PTPRM: variants seen among roughly 807,000 people sequenced by gnomAD.
PTPRM encodes the protein receptor-type tyrosine-protein phosphatase mu.
A neutral mutation model predicts 186.7 loss-of-function variants in PTPRM; 47 were observed. The observed-to-expected ratio is 0.25, with a 90% CI of 0.20 to 0.32. PTPRM has a LOEUF of 0.32. Ranked by LOEUF, PTPRM falls within the 10% of genes least tolerant of loss-of-function variation. PTPRM has a pLI of 1.00. For synonymous variants in PTPRM, 668 were observed against 674.9 expected (o/e 0.99, Z 0.16); for missense variants, 1,494 against 1,865.0 (o/e 0.80, Z 3.66).
intron 1 of PTPRM, among the ~76,000 whole-genome samples, chr18:7,667,539 A>G (rs1323665483): frequency 1.3e-5 from 2 of 152,264 alleles, no homozygotes; most frequent in African/African-American, 4.8e-5. Context: ...ATGGTTTTAC[A>G]TTTCTTAAAA....
At chr18:8,034,353 A>G (rs2086191125) in intron 7 of PTPRM, among the ~76,000 whole-genome samples, 1 of 151,988 alleles carries the variant, frequency 6.6e-6, no homozygotes, top group Non-Finnish European at 1.5e-5. Context: ...AATATCTTCA[A>G]CTCAAAAGTA....
intron 14 of PTPRM, among the ~76,000 whole-genome samples, chr18:8,175,241 C>T (rs2093463653): frequency 6.6e-6 from 1 of 152,124 alleles, no homozygotes; most frequent in East Asian, 1.9e-4. Flanking sequence ...GTTCTTATGC[C>T]ATAGTCAAGA....
rs184632692 is a variant in PTPRM, at chr18:7,841,706, C to T, written c.197-46400C>T. On this transcript the variant is annotated intron_variant, in intron 2 of 32. Transcript: ENST00000580170. ...CTCTGACATTAGCATAATCGTGAAA[C>T]TAGTCAGTTAACTAGAAAATGAAAT... 1.2e-3 allele frequency among the ~76,000 whole-genome samples: 183 copies of T among 152,262 alleles called. 1 individual carries two copies. The highest frequency in any genetic ancestry group is 0.01 in the Middle Eastern group (3 of 294).
At chr18:8,260,948 C>T (rs1223297900) in intron 19 of PTPRM, among the ~76,000 whole-genome samples, 4 of 152,198 alleles carry the variant, frequency 2.6e-5, no homozygotes, top group South Asian at 2.1e-4. Context: ...GCAGCCCCTT[C>T]GCTGGCTTTT....
intron 1 of PTPRM, among the ~76,000 whole-genome samples, chr18:7,707,915 A>T (rs1393778942): frequency 1.3e-5 from 2 of 152,108 alleles, no homozygotes; most frequent in African/African-American, 4.8e-5. Context: ...ACAATATTTC[A>T]TTTCTGTGTG....
chr18:8,252,593 C>G (rs1256801183), intron 18 of PTPRM, 94 bp downstream of exon 18: 3 of 1,176,882 alleles, frequency 2.5e-6, no homozygotes, highest in African/African-American at 3.0e-5. Flanking sequence ...TGGTGCTGCT[C>G]TGTGCTGGCC....
intron 14 of PTPRM, among the ~76,000 whole-genome samples, chr18:8,230,174 A>G (rs924823210): frequency 2.0e-5 from 3 of 152,218 alleles, no homozygotes; most frequent in African/African-American, 7.2e-5. Flanking sequence ...ACTCTACAAC[A>G]GAGGCCCAAC....
intron 13 of PTPRM, among the ~76,000 whole-genome samples, chr18:8,125,209 CAA>C (rs11315965): frequency 0.16 from 22,197 of 134,674 alleles, 1,741 homozygotes; most frequent in African/African-American, 0.19. Flanking sequence ...GACTCTGTCT[CAA>C]AAAAAAAAAA....
intron 14 of PTPRM, among the ~76,000 whole-genome samples, chr18:8,193,560 G>C (rs1045171123): frequency 4.6e-5 from 7 of 152,216 alleles, no homozygotes; most frequent in African/African-American, 1.7e-4. Context: ...GTAGCCTGTG[G>C]CCAGATGCCC....
intron 7 of PTPRM, among the ~76,000 whole-genome samples, chr18:7,960,450 C>CATATATATATATATATAT (rs71354579): frequency 9.1e-5 from 11 of 120,582 alleles, no homozygotes; most frequent in South Asian, 3.1e-4. Context: ...ATATAGGCAA[C>CATATATATATATATATAT]ATATATATAT....
At chr18:7,719,757 C>T (rs1355794790) in intron 1 of PTPRM, among the ~76,000 whole-genome samples, 1 of 152,024 alleles carries the variant, frequency 6.6e-6, no homozygotes, top group Non-Finnish European at 1.5e-5. Flanking sequence ...CCAATGAAAT[C>T]AAACAAGGAA....
intron 2 of PTPRM, among the ~76,000 whole-genome samples, chr18:7,775,192 C>G (rs1055712446): frequency 5.9e-5 from 9 of 152,350 alleles, no homozygotes; most frequent in Admixed American, 1.3e-4. Flanking sequence ...ATGATGCTCA[C>G]TGTGTTCCTG....
At chr18:8,148,302 A>G (rs981007022) in intron 14 of PTPRM, among the ~76,000 whole-genome samples, 1 of 152,184 alleles carries the variant, frequency 6.6e-6, no homozygotes. Context: ...TTGGTAGGCT[A>G]TTAATTACTG....
At chr18:7,673,283 A>G (rs528789334) in intron 1 of PTPRM, among the ~76,000 whole-genome samples, 6 of 152,370 alleles carry the variant, frequency 3.9e-5, no homozygotes, top group African/African-American at 1.4e-4. Flanking sequence ...TAGATGTGGA[A>G]TATACATCAG....
rs978265205 is a variant in PTPRM, at chr18:7,947,160, G to A, written c.664-2021G>A. Among the ~76,000 whole-genome samples the A allele has an allele frequency of 7.2e-5, 11 of 152,300 alleles. No homozygotes were observed. The South Asian group carries it at 1.9e-3, about 26-fold the overall frequency. Reference sequence around the variant, plus strand: ...TAATAAAGGTGGTACTTTGATAGCCGCTCTGCCTTTCTCCTTGAATTCATC... The same window carrying A: ...TAATAAAGGTGGTACTTTGATAGCCACTCTGCCTTTCTCCTTGAATTCATC... On this transcript the variant is annotated intron_variant, in intron 5 of 32. Coordinates refer to ENST00000580170, the MANE Select transcript of PTPRM (RefSeq NM_001105244.2).
intron 9 of PTPRM, among the ~76,000 whole-genome samples, chr18:8,081,828 G>T (rs1181696320): frequency 1.3e-5 from 2 of 152,156 alleles, no homozygotes; most frequent in Non-Finnish European, 2.9e-5. Flanking sequence ...TGAGGGAGAG[G>T]ATCTGTAATT....
At chr18:8,068,916 G>A (rs1429131613) in intron 7 of PTPRM, among the ~76,000 whole-genome samples, 4 of 151,950 alleles carry the variant, frequency 2.6e-5, no homozygotes, top group Non-Finnish European at 4.4e-5. Flanking sequence ...TGACTAACAT[G>A]GTGAAACCCT....
intron 1 of PTPRM, among the ~76,000 whole-genome samples, chr18:7,743,892 C>T (rs1261815735): frequency 6.6e-6 from 1 of 152,130 alleles, no homozygotes; most frequent in Non-Finnish European, 1.5e-5. Flanking sequence ...GCTTAGTGTG[C>T]TCTTTTCTAA....
At chr18:8,262,088 C>T (rs1194204344) in intron 19 of PTPRM, among the ~76,000 whole-genome samples, 5 of 152,112 alleles carry the variant, frequency 3.3e-5, no homozygotes, top group South Asian at 2.1e-4. Context: ...AGATATTTCA[C>T]GGTTGCCATT....
Sources: allele counts gnomAD v4.1 joint callset (sites outside exome capture counted in the v4.1 genomes callset), GRCh38; gene constraint gnomAD v4.1.1; transcripts MANE v1.5; gene names NCBI Gene and HGNC (gene_info 2026-07-23, HGNC 2026-07-21).